The following PROSER1 variants were observed in gnomAD, a reference collection of about 807,000 sequenced individuals.
The protein encoded by PROSER1 is proline and serine rich 1.
PROSER1 carries 36 observed loss-of-function variants against 71.8 expected under a neutral mutation model. The observed-to-expected ratio is 0.50, with a 90% CI of 0.38 to 0.66. The LOEUF is 0.66. Ranked by LOEUF, PROSER1 falls within the 30% of genes least tolerant of loss-of-function variation. The pLI is 0.00. For synonymous variants in PROSER1, 490 were observed against 452.4 expected (o/e 1.08, Z -1.06); for missense variants, 1,107 against 1,135.0 (o/e 0.98, Z 0.35).
At chr13:39,011,940 T>G in intron 12 of PROSER1, 143 bp downstream of exon 12, 1 of 859,246 alleles carries the variant, frequency 1.2e-6, no homozygotes, top group Non-Finnish European at 1.8e-6. Context: ...TGGAGAGAAG[T>G]AATCATCATC....
rs1411738350 is a variant in PROSER1, at chr13:39,037,204, A to C, written c.39T>G (p.Ile13Met). The C allele has an allele frequency of 6.2e-7, 1 of 1,605,976 alleles. No individual in the cohort carries two copies. The highest frequency in any genetic ancestry group is 1.7e-5 in the Admixed American group (1 of 60,014). Residue 13 changes from isoleucine (I) to methionine (M), a missense_variant, in exon 1 of 13, where the codon ATT becomes ATG. By Grantham distance (10) the Ile-to-Met change is conservative (BLOSUM62 1). Transcript: ENST00000352251. ...KKSFEMVLDE[I>M]RKAVLTEYKL... is the part of the protein sequence containing the mutation. ...ATGGAATCGGTCTAATTACCTTTCT[A>C]ATTTCATCCAGCACCATTTCAAAGG...
At chr13:39,033,563 C>T (rs1371665270) in intron 2 of PROSER1, among the ~76,000 whole-genome samples, 1 of 152,220 alleles carries the variant, frequency 6.6e-6, no homozygotes, top group East Asian at 1.9e-4. Flanking sequence ...AAACATGCCC[C>T]CTTGTGTGTG....
intron 6 of PROSER1, 42 bp downstream of exon 6, chr13:39,026,235 A>T: frequency 8.0e-7 from 1 of 1,242,780 alleles, no homozygotes; most frequent in Non-Finnish European, 1.2e-6. Flanking sequence ...CTTCATACTT[A>T]ACCATGAGAA....
At chr13:39,018,994 T>TA (rs1156237050) in intron 9 of PROSER1, among the ~76,000 whole-genome samples, 1 of 152,156 alleles carries the variant, frequency 6.6e-6, no homozygotes, top group Non-Finnish European at 1.5e-5. Flanking sequence ...TATCTGGAAT[T>TA]AAATTTCCCA....
Position 39,037,230 on chromosome 13 carries a change from A to T in PROSER1, c.13T>A (p.Ser5Thr). MDKKSFEMVLDEIRK... is the reference protein window; with the variant it reads MDKKTFEMVLDEIRK... ...ATTTCATCCAGCACCATTTCAAAGG[A>T]CTTTTTATCCATCTTGACTACTATC... The change falls in exon 1 of 13, where the codon TCC becomes ACC. Residue 5 changes from serine (S) to threonine (T), a missense_variant. Transcript: ENST00000352251. 6.2e-7 allele frequency: 1 copy of T among 1,610,364 alleles called. No individual in the cohort carries two copies. The highest frequency in any genetic ancestry group is 8.5e-7 in the Non-Finnish European group (1 of 1,176,614).
rs570492105 is a variant in PROSER1, at chr13:39,037,497, A to G, written c.-255T>C. 1 of 453,030 alleles carries G rather than the reference A, an allele frequency of 2.2e-6. No homozygotes were observed. Among genetic ancestry groups the G allele is most frequent in the African/African-American group, 2.0e-5 (1 of 50,346 alleles). The allele number at this position is 453,030 out of a possible 1,614,324, so 28.1% of individuals were successfully genotyped here. ...CAGGCTTCCCCAGCTTATTCACACAATGGTTCAGGGCACCTCGGGCAAGAG... is the reference window on the plus strand; with the variant it reads ...CAGGCTTCCCCAGCTTATTCACACAGTGGTTCAGGGCACCTCGGGCAAGAG... On this transcript the variant is annotated 5_prime_UTR_variant, in exon 1 of 13. Coordinates refer to ENST00000352251, the MANE Select transcript of PROSER1 (RefSeq NM_025138.5).
Position 39,023,091 on chromosome 13 carries a change from G to C in PROSER1, c.604C>G (p.Pro202Ala), listed in dbSNP as rs1052486211. 4 of 1,613,130 alleles carry C rather than the reference G, an allele frequency of 2.5e-6. No individual in the cohort carries two copies. Among genetic ancestry groups the C allele is most frequent in the Non-Finnish European group, 3.4e-6 (4 of 1,179,326 alleles). ...GCATGTGGTCGGCATGGAGGTATCG[G>C]ATAAGGAACAGGTTTATGTGGATTA... is the stretch of plus-strand genomic sequence containing the variant. ...TYNPHKPVPY[P>A]IPPCRPHATI... is the part of the protein sequence containing the mutation. Residue 202 changes from proline to alanine, a missense_variant, in exon 8 of 13, where the codon CCG becomes GCG. By Grantham distance (27) the Pro-to-Ala change is conservative. Coordinates refer to ENST00000352251, the MANE Select transcript of PROSER1 (RefSeq NM_025138.5).
chr13:39,012,254 A>G (rs927446655), intron 11 of PROSER1, 21 bp from the exon 12 acceptor site: 2 of 1,611,484 alleles, frequency 1.2e-6, no homozygotes, highest in African/African-American at 2.7e-5. Flanking sequence ...TGACAGAAAA[A>G]CAAGTTAACT....
rs756436560 is a variant in PROSER1, at chr13:39,012,776, T to A, written c.2476A>T (p.Thr826Ser). The A allele has an allele frequency of 6.2e-7, 1 of 1,613,984 alleles. No individual in the cohort carries two copies. Among genetic ancestry groups the A allele is most frequent in the Non-Finnish European group, 8.5e-7 (1 of 1,179,956 alleles). ...AGGACTGGAGCTGGGGATGGGGCTGTGGCAGCCACAGGTAGTGGTGTGACA... is the reference window on the plus strand; with the variant it reads ...AGGACTGGAGCTGGGGATGGGGCTGAGGCAGCCACAGGTAGTGGTGTGACA... ...AAVTPLPVAATAPSPAPVLPG... is the reference protein window; with the variant it reads ...AAVTPLPVAASAPSPAPVLPG... The change falls in exon 11 of 13, where the codon ACA becomes TCA. Residue 826 changes from threonine to serine, a missense_variant. Coordinates refer to ENST00000352251, the MANE Select transcript of PROSER1 (RefSeq NM_025138.5).
rs773622427 is a variant in PROSER1, at chr13:39,014,299, C to G, written c.953G>C (p.Gly318Ala). ...LLNTVLPVFP[G>A]QVSSAVHTPQ... ...TGTGTGAACGGCTGAGGAGACCTGC[C>G]CTGGGAACACAGGAAGGACAGTATT... is the stretch of plus-strand genomic sequence containing the variant. Residue 318 changes from glycine (G) to alanine (A), a missense_variant, in exon 11 of 13, where the codon GGG becomes GCG. Gly to Ala is a moderately conservative substitution (Grantham distance 60). Transcript: ENST00000352251. The G allele has an allele frequency of 1.4e-5, 22 of 1,613,882 alleles. No homozygotes were observed. Among genetic ancestry groups the G allele is most frequent in the Non-Finnish European group, 1.9e-5 (22 of 1,180,012 alleles).
intron 9 of PROSER1, among the ~76,000 whole-genome samples, chr13:39,020,065 A>C (rs1203254972): frequency 6.9e-6 from 1 of 145,386 alleles, no homozygotes; most frequent in Non-Finnish European, 1.5e-5. Flanking sequence ...CTATCTAGAA[A>C]ACTCAAGAGA....
At chr13:39,026,588 T>C (rs1282156141) in intron 5 of PROSER1, 2 of 465,798 alleles carry the variant, frequency 4.3e-6, no homozygotes, top group Non-Finnish European at 7.5e-6. Context: ...TTAAAATGGT[T>C]AACATAATAA....
chr13:39,031,255 T>C (rs1870827730), intron 3 of PROSER1, among the ~76,000 whole-genome samples: 1 of 152,168 alleles, frequency 6.6e-6, no homozygotes, highest in Admixed American at 6.5e-5. Context: ...TAAGACTAAA[T>C]AGAAAGATGG....
At chr13:39,020,143 A>G (rs1228080590) in intron 9 of PROSER1, among the ~76,000 whole-genome samples, 1 of 151,848 alleles carries the variant, frequency 6.6e-6, no homozygotes, top group African/African-American at 2.4e-5. Context: ...CATTCTATTT[A>G]TAATTGCAAC....
intron 9 of PROSER1, among the ~76,000 whole-genome samples, chr13:39,018,976 A>C (rs559403022): frequency 5.3e-5 from 8 of 152,286 alleles, no homozygotes; most frequent in African/African-American, 1.7e-4. Flanking sequence ...GTTCCCAATA[A>C]AGAAAATTAT....
At chr13:39,021,997 T>G (rs1169371661) in intron 9 of PROSER1, among the ~76,000 whole-genome samples, 1 of 152,210 alleles carries the variant, frequency 6.6e-6, no homozygotes, top group East Asian at 1.9e-4. Flanking sequence ...TCATCTGTAT[T>G]TTTTCACTAG....
intron 6 of PROSER1, among the ~76,000 whole-genome samples, 163 bp downstream of exon 6, chr13:39,026,114 C>T (rs1034031034): frequency 5.3e-5 from 8 of 152,006 alleles, no homozygotes; most frequent in African/African-American, 1.2e-4. Context: ...ATATAGATAC[C>T]CTTAATACTT....
rs1199965751 is a variant in PROSER1 at position 39,013,779 on chromosome 13, A to G, written c.1473T>C (p.Ser491=). The change falls in exon 11 of 13, where the codon TCT becomes TCC. Residue 491 remains serine, a synonymous_variant. Coordinates refer to ENST00000352251, the MANE Select transcript of PROSER1 (RefSeq NM_025138.5). ...GTGAAGCCAGCCCACTTGTGACAGC[A>G]GAGGATAAAGCAGAGGAGTTGATTA... is the stretch of plus-strand genomic sequence containing the variant. ...TNLINSSALS[S]AVTSGLASLS... is the part of the protein sequence containing the mutation. 1 of 1,614,082 alleles carries G rather than the reference A, an allele frequency of 6.2e-7. No individual in the cohort carries two copies. The highest frequency in any genetic ancestry group is 1.3e-5 in the African/African-American group (1 of 74,938).
At chr13:39,015,443 G>A (rs960863281) in intron 10 of PROSER1, among the ~76,000 whole-genome samples, 6 of 152,136 alleles carry the variant, frequency 3.9e-5, no homozygotes, top group Non-Finnish European at 8.8e-5. Flanking sequence ...CAGTTGTAGA[G>A]AATGTTCCTG....
Sources: gnomAD v4.1 joint callset for allele counts (sites outside exome capture counted in the v4.1 genomes callset) on GRCh38, gnomAD v4.1.1 for gene constraint, MANE v1.5 for transcripts, NCBI Gene and HGNC (gene_info 2026-07-23, HGNC 2026-07-21) for gene names.